Variants in DAB1 observed in about 807,000 individuals in gnomAD.
The protein encoded by DAB1 is DAB adaptor protein 1, also known as disabled homolog 1.
Under a neutral mutation model 64.6 loss-of-function variants are expected in DAB1, and 15 were observed. The observed-to-expected ratio is 0.23, with a 90% CI of 0.16 to 0.36. The LOEUF (loss-of-function observed/expected upper bound fraction) is 0.36, where lower values mean the gene tolerates loss of function less well. Among genes scored for constraint, DAB1 ranks in the 10% least tolerant of loss-of-function variants. DAB1 has a pLI of 1.00. For missense variants in DAB1, 596 were observed against 706.7 expected (o/e 0.84, Z 1.78); for synonymous variants, 235 against 251.9 (o/e 0.93, Z 0.64).
At chr1:57,738,149 C>T (rs571027353) in intron 6 of DAB1, among the ~76,000 whole-genome samples, 200 of 152,304 alleles carry the variant, frequency 1.3e-3, no homozygotes, top group African/African-American at 4.3e-3. Context: ...TTTAGCTATG[C>T]GACCTTCACC....
intron 5 of DAB1, among the ~76,000 whole-genome samples, chr1:58,072,932 T>C (rs1649366798): frequency 6.6e-6 from 1 of 152,200 alleles, no homozygotes; most frequent in Non-Finnish European, 1.5e-5. Context: ...TGATAATAAT[T>C]GCTAACACTT....
At chr1:57,658,807 C>A (rs1396824746) in intron 6 of DAB1, among the ~76,000 whole-genome samples, 1 of 152,158 alleles carries the variant, frequency 6.6e-6, no homozygotes, top group Non-Finnish European at 1.5e-5. Context: ...TGGCCCCAAG[C>A]AGATAACCTC....
In DAB1 at chr1:57,486,856, A is replaced by G. The variant is rs145504211; in HGVS notation, n.625+162736T>C. 3.2e-3 allele frequency among the ~76,000 whole-genome samples: 480 copies of G among 152,216 alleles called. 2 individuals are homozygous for G. The highest frequency in any genetic ancestry group is 0.011 in the African/African-American group (464 of 41,522). On this transcript the variant is annotated intron_variant and non_coding_transcript_variant, in intron 7 of 20. Coordinates refer to the DAB1 transcript ENST00000485760. ...TTGAACAAAAATATAAGGCAGGCCA[A>G]GTCCCAGACCCTTATGTGAAGAAAG...
At chr1:58,323,403 T>A (rs924200394) in intron 4 of DAB1, among the ~76,000 whole-genome samples, 1 of 152,132 alleles carries the variant, frequency 6.6e-6, no homozygotes, top group Non-Finnish European at 1.5e-5. Context: ...GTCTGTTCTC[T>A]TTTTAGTATT....
At chr1:57,726,383 T>C (rs1325945852) in intron 6 of DAB1, among the ~76,000 whole-genome samples, 5 of 152,098 alleles carry the variant, frequency 3.3e-5, no homozygotes, top group African/African-American at 7.2e-5. Flanking sequence ...AAGCCTTTCA[T>C]TGAATGGGAA....
intron 3 of DAB1, among the ~76,000 whole-genome samples, chr1:58,461,570 A>C (rs706464): frequency 0.15 from 23,309 of 152,168 alleles, 1,971 homozygotes; most frequent in Admixed American, 0.25. Context: ...CACATTAACC[A>C]AGGACAAAAC....
chr1:58,107,050 C>T (rs1355779176), intron 5 of DAB1, among the ~76,000 whole-genome samples: 1 of 151,660 alleles, frequency 6.6e-6, no homozygotes, highest in Non-Finnish European at 1.5e-5. Context: ...GTGTTAATAA[C>T]ATAGTCCCAG....
At chr1:58,187,343 G>A (rs1439772522) in intron 4 of DAB1, among the ~76,000 whole-genome samples, 1 of 150,562 alleles carries the variant, frequency 6.6e-6, no homozygotes, top group East Asian at 2.0e-4. Context: ...CAGGCTCATA[G>A]GTGTGCACTT....
intron 6 of DAB1, among the ~76,000 whole-genome samples, chr1:57,659,319 T>G (rs1377413368): frequency 1.3e-5 from 2 of 152,180 alleles, no homozygotes; most frequent in Non-Finnish European, 2.9e-5. Context: ...TAAATAAAAT[T>G]AATAAACCCT....
At chr1:58,168,021 C>G (rs533893922) in intron 4 of DAB1, among the ~76,000 whole-genome samples, 1 of 152,312 alleles carries the variant, frequency 6.6e-6, no homozygotes, top group South Asian at 2.1e-4. Flanking sequence ...ATGGGACTAT[C>G]GACTATCGCC....
chr1:58,296,236 A>AGAAAGAAG (rs1661987018), intron 4 of DAB1, among the ~76,000 whole-genome samples: 2 of 151,788 alleles, frequency 1.3e-5, no homozygotes, highest in East Asian at 3.9e-4. Context: ...AAAGAAAGAA[A>AGAAAGAAG]GAAAGAAAGA....
chr1:57,788,649 C>T (rs912702257), intron 6 of DAB1, among the ~76,000 whole-genome samples: 2 of 152,180 alleles, frequency 1.3e-5, no homozygotes, highest in African/African-American at 2.4e-5. Context: ...ACTCTAGAGT[C>T]AGGCAGACCC....
intron 6 of DAB1, among the ~76,000 whole-genome samples, chr1:57,668,357 A>G (rs1041564964): frequency 6.6e-6 from 1 of 152,130 alleles, no homozygotes; most frequent in African/African-American, 2.4e-5. Context: ...CCTACCTTAG[A>G]GGTAAAGCAC....
intron 5 of DAB1, among the ~76,000 whole-genome samples, chr1:57,916,145 T>C (rs1307059897): frequency 6.6e-6 from 1 of 152,156 alleles, no homozygotes; most frequent in Admixed American, 6.5e-5. Flanking sequence ...TGTAAAGTAA[T>C]AGGCAAAAGT....
chr1:58,033,591 T>C (rs935972096), intron 5 of DAB1, among the ~76,000 whole-genome samples: 5 of 152,244 alleles, frequency 3.3e-5, no homozygotes, highest in Non-Finnish European at 7.3e-5. Context: ...GATACAATAC[T>C]ACTAGTGTTC....
At chr1:57,718,920 A>T (rs1334146192) in intron 6 of DAB1, among the ~76,000 whole-genome samples, 2 of 152,024 alleles carry the variant, frequency 1.3e-5, no homozygotes, top group Non-Finnish European at 2.9e-5. Context: ...AAAAATACTG[A>T]TTTCCTGCCA....
chr1:58,219,025 C>CTCTGTGTGTGTG (rs376130413), intron 4 of DAB1, among the ~76,000 whole-genome samples: 1 of 129,474 alleles, frequency 7.7e-6, no homozygotes, highest in African/African-American at 3.1e-5. Flanking sequence ...CTCTCTCTCT[C>CTCTGTGTGTGTG]TGTGTGTGTG....
intron 5 of DAB1, among the ~76,000 whole-genome samples, chr1:57,903,951 T>C (rs1644512792): frequency 6.6e-6 from 1 of 152,236 alleles, no homozygotes; most frequent in African/African-American, 2.4e-5. Flanking sequence ...CAAATGTATC[T>C]GGTCTTGTTA....
intron 2 of DAB1, among the ~76,000 whole-genome samples, chr1:57,200,964 A>C (rs1351653018): frequency 6.6e-6 from 1 of 152,202 alleles, no homozygotes; most frequent in African/African-American, 2.4e-5. Context: ...CTAGGCATGC[A>C]AATGTTTGTT....
Sources: gnomAD v4.1 joint callset for allele counts (sites outside exome capture counted in the v4.1 genomes callset) on GRCh38, gnomAD v4.1.1 for gene constraint, MANE v1.5 for transcripts, NCBI Gene and HGNC (gene_info 2026-07-23, HGNC 2026-07-21) for gene names.